Variants in RGS20 observed in about 807,000 individuals in gnomAD.
The protein encoded by RGS20 is regulator of G protein signaling 20.
Under a neutral mutation model 33.6 loss-of-function variants are expected in RGS20, and 30 were observed. That is an observed-to-expected ratio of 0.89 (90% CI 0.67 to 1.21). The LOEUF is 1.21. Among genes scored for constraint, RGS20 ranks in the 50% most tolerant of loss-of-function variants. RGS20 has a pLI of 0.00. For missense variants in RGS20, 472 were observed against 502.4 expected (o/e 0.94, Z 0.58); for synonymous variants, 208 against 197.9 (o/e 1.05, Z -0.43).
intron 2 of RGS20, among the ~76,000 whole-genome samples, chr8:53,916,710 G>A (rs1408117852): frequency 6.6e-6 from 1 of 152,152 alleles, no homozygotes; most frequent in East Asian, 1.9e-4. Context: ...CTTTCTGAGT[G>A]TCTAGTCAAT....
At chr8:53,950,916 A>G (rs1319883790) in intron 4 of RGS20, among the ~76,000 whole-genome samples, 1 of 152,110 alleles carries the variant, frequency 6.6e-6, no homozygotes, top group African/African-American at 2.4e-5. Context: ...TTTATCCACT[A>G]ATCTATACTT....
At chr8:53,916,586 T>G (rs932620701) in intron 2 of RGS20, among the ~76,000 whole-genome samples, 1 of 152,200 alleles carries the variant, frequency 6.6e-6, no homozygotes, top group African/African-American at 2.4e-5. Context: ...CATTCTTTTG[T>G]AGGAAACTTT....
chr8:53,935,716 T>C (rs919561519), intron 2 of RGS20, among the ~76,000 whole-genome samples: 12 of 151,626 alleles, frequency 7.9e-5, no homozygotes, highest in African/African-American at 2.7e-4. Flanking sequence ...ATAGAAACAA[T>C]AGAAAAAGAG....
chr8:53,948,424 A>G (rs1342494405), intron 4 of RGS20, among the ~76,000 whole-genome samples: 1 of 142,948 alleles, frequency 7.0e-6, no homozygotes, highest in African/African-American at 2.5e-5. Context: ...CATATGCTAT[A>G]TATAAGATAC....
At chr8:53,935,585 A>G (rs1179752947) in intron 2 of RGS20, among the ~76,000 whole-genome samples, 1 of 152,200 alleles carries the variant, frequency 6.6e-6, no homozygotes, top group Non-Finnish European at 1.5e-5. Context: ...TAGAACAATA[A>G]CAAGTTCTAA....
intron 2 of RGS20, among the ~76,000 whole-genome samples, chr8:53,918,585 A>G (rs1813555723): frequency 6.6e-6 from 1 of 151,918 alleles, no homozygotes; most frequent in Non-Finnish European, 1.5e-5. Context: ...GATGGGTTTC[A>G]CTATGTTGGT....
At chr8:53,947,157 T>C (rs1015631530) in intron 4 of RGS20, among the ~76,000 whole-genome samples, 8 of 146,580 alleles carry the variant, frequency 5.5e-5, no homozygotes, top group Admixed American at 2.8e-4. Context: ...ATAGTATATA[T>C]ATTTATACAC....
intron 2 of RGS20, among the ~76,000 whole-genome samples, chr8:53,921,470 G>T: frequency 6.7e-6 from 1 of 148,968 alleles, no homozygotes. Flanking sequence ...AAATACACCA[G>T]CCTGAACAGA....
intron 5 of RGS20, 60 bp downstream of exon 4, chr8:53,954,370 G>A (rs1347455552): frequency 1.7e-6 from 2 of 1,193,010 alleles, no homozygotes; most frequent in Non-Finnish European, 2.5e-6. Context: ...TGGTGCAAAA[G>A]TAATTGCCAT....
chr8:53,876,771 A>C (rs917006766), intron 1 of RGS20: 3 of 152,278 alleles, frequency 2.0e-5, no homozygotes, highest in Non-Finnish European at 4.4e-5. Flanking sequence ...CAGGCGGCTG[A>C]TCCGGAGGCC....
At chr8:53,864,291 G>C (rs763365401) in intron 1 of RGS20, among the ~76,000 whole-genome samples, 1 of 152,082 alleles carries the variant, frequency 6.6e-6, no homozygotes, top group African/African-American at 2.4e-5. Flanking sequence ...AAAATCAGCT[G>C]GGCATGATGG....
intron 2 of RGS20, among the ~76,000 whole-genome samples, chr8:53,925,005 G>A (rs541161437): frequency 1.3e-5 from 2 of 152,154 alleles, no homozygotes; most frequent in African/African-American, 2.4e-5. Context: ...TTAACCTGGA[G>A]CAATTTTAGT....
Position 53,879,249 on chromosome 8 carries a change from C to T in RGS20, c.166-9C>T. The T allele has an allele frequency of 6.2e-7, 1 of 1,611,256 alleles. No homozygotes were observed. Among genetic ancestry groups the T allele is most frequent in the Non-Finnish European group, 8.5e-7 (1 of 1,177,912 alleles). ...GTATGCTGGTTTTGTTTCTCTCTCC[C>T]CACCCCAGTCCTTCCCGCCTGCACA... On this transcript the variant is annotated splice_polypyrimidine_tract_variant and intron_variant, in intron 1 of 5. Coordinates refer to ENST00000297313, the MANE Select transcript of RGS20 (RefSeq NM_170587.4).
chr8:53,871,721 A>C lies in RGS20; in HGVS notation c.166-7537A>C, dbSNP rs118014225. 2.3e-3 allele frequency among the ~76,000 whole-genome samples: 353 copies of C among 152,280 alleles called. 3 individuals carry two copies. The highest frequency in any genetic ancestry group is 3.7e-3 in the Non-Finnish European group (252 of 68,026). On this transcript the variant is annotated intron_variant, in intron 1 of 5. Transcript: ENST00000297313. The stretch of plus-strand genomic sequence containing the variant: ...CTAGAGGACAGAGAGATCTTTCAAA[A>C]ACACACACATGATTGTGTTGACTTC...
intron 2 of RGS20, among the ~76,000 whole-genome samples, chr8:53,887,719 G>A (rs1422360824): frequency 6.6e-6 from 1 of 152,220 alleles, no homozygotes; most frequent in Non-Finnish European, 1.5e-5. Flanking sequence ...GCTCACGCCT[G>A]TAATTCCCAC....
At chr8:53,860,402 T>C (rs1444388029) in intron 1 of RGS20, among the ~76,000 whole-genome samples, 1 of 152,250 alleles carries the variant, frequency 6.6e-6, no homozygotes, top group East Asian at 1.9e-4. Flanking sequence ...TAAGAACTTT[T>C]ATTCAAAATA....
At chr8:53,867,814 C>T (rs1006064155) in intron 1 of RGS20, among the ~76,000 whole-genome samples, 3 of 152,202 alleles carry the variant, frequency 2.0e-5, no homozygotes, top group Admixed American at 1.3e-4. Flanking sequence ...CCTAAACCTC[C>T]TAGGCTCAGG....
At chr8:53,859,652 A>C (rs140554134) in intron 1 of RGS20, among the ~76,000 whole-genome samples, 353 of 152,330 alleles carry the variant, frequency 2.3e-3, no homozygotes, top group African/African-American at 8.2e-3. Flanking sequence ...GTCCATTTTC[A>C]TACTGCTGTG....
intron 5 of RGS20, among the ~76,000 whole-genome samples, chr8:53,957,692 C>G (rs1010447410): frequency 1.3e-5 from 2 of 152,196 alleles, no homozygotes; most frequent in Non-Finnish European, 2.9e-5. Flanking sequence ...CATCAGGGGC[C>G]CCTACACCTA....
Sources: allele counts gnomAD v4.1 joint callset (sites outside exome capture counted in the v4.1 genomes callset), GRCh38; gene constraint gnomAD v4.1.1; transcripts MANE v1.5; gene names NCBI Gene and HGNC (gene_info 2026-07-23, HGNC 2026-07-21).